PDE3A: variants seen among roughly 807,000 people sequenced by gnomAD.
PDE3A encodes the protein phosphodiesterase 3A, also known as cGMP-inhibited 3',5'-cyclic phosphodiesterase 3A.
A neutral mutation model predicts 98.3 loss-of-function variants in PDE3A; 43 were observed. That is an observed-to-expected ratio of 0.44 (90% CI 0.34 to 0.56). The LOEUF is 0.56. Among genes scored for constraint, PDE3A ranks in the 20% least tolerant of loss-of-function variants. The probability of loss-of-function intolerance (pLI) is 0.01; values close to 1 mark genes in which losing one functional copy is unlikely to be tolerated. For synonymous variants in PDE3A, 663 were observed against 567.9 expected (o/e 1.17, Z -2.38); for missense variants, 1,427 against 1,440.7 (o/e 0.99, Z 0.15).
intron 1 of PDE3A, among the ~76,000 whole-genome samples, chr12:20,520,028 G>A (rs967805451): frequency 9.9e-5 from 15 of 152,100 alleles, no homozygotes; most frequent in Admixed American, 4.6e-4. Context: ...AGGTGACATC[G>A]CTATTCAGTG....
intron 1 of PDE3A, among the ~76,000 whole-genome samples, chr12:20,401,210 C>T (rs1252333471): frequency 6.6e-6 from 1 of 152,210 alleles, no homozygotes; most frequent in Non-Finnish European, 1.5e-5. Context: ...AACTTCTCAA[C>T]TGGTCTCCCT....
At chr12:20,454,442 C>T (rs182438188) in intron 1 of PDE3A, among the ~76,000 whole-genome samples, 28 of 152,278 alleles carry the variant, frequency 1.8e-4, no homozygotes, top group Admixed American at 5.2e-4. Context: ...AGAACGTAAG[C>T]TCAGTAAGAG....
At chr12:20,605,223 A>G (rs1943683161) in intron 2 of PDE3A, among the ~76,000 whole-genome samples, 1 of 152,212 alleles carries the variant, frequency 6.6e-6, no homozygotes, top group Admixed American at 6.5e-5. Context: ...GGAAACTGAC[A>G]CTAGGCAAAT....
chr12:20,377,740 T>A (rs1943597724), intron 1 of PDE3A, among the ~76,000 whole-genome samples: 1 of 151,778 alleles, frequency 6.6e-6, no homozygotes, highest in South Asian at 2.1e-4. Flanking sequence ...AAAATATGAT[T>A]ATTTTCATCG....
chr12:20,583,747 C>T (rs1448212031), intron 2 of PDE3A, among the ~76,000 whole-genome samples: 1 of 152,116 alleles, frequency 6.6e-6, no homozygotes, highest in African/African-American at 2.4e-5. Flanking sequence ...ATTTAATTTA[C>T]TGTTACTAAT....
intron 1 of PDE3A, among the ~76,000 whole-genome samples, chr12:20,387,316 C>T (rs972024335): frequency 1.3e-4 from 19 of 151,864 alleles, no homozygotes; most frequent in Non-Finnish European, 5.9e-5. Context: ...TGAAGAATGT[C>T]AATGGTAGTT....
chr12:20,680,023 A>T lies in PDE3A; in HGVS notation c.3185-7A>T, dbSNP rs1357848923. On this transcript the variant is annotated splice_region_variant and splice_polypyrimidine_tract_variant and intron_variant, in intron 15 of 15. Transcript: ENST00000359062. ...TGATTTGGTGTTTTTTATTTTATTT[A>T]TTTTAGAAAAGAAGACTTTCAAAAG... 1 of 1,583,438 alleles carries T rather than the reference A, an allele frequency of 6.3e-7. No homozygotes were observed. The highest frequency in any genetic ancestry group is 8.6e-7 in the Non-Finnish European group (1 of 1,159,480).
chr12:20,612,504 G>T (rs1219493191), intron 2 of PDE3A, among the ~76,000 whole-genome samples: 1 of 147,124 alleles, frequency 6.8e-6, no homozygotes, highest in Non-Finnish European at 1.5e-5. Context: ...ATTTTTAAAG[G>T]TTATAATTTC....
At chr12:20,390,137 G>A (rs974204281) in intron 1 of PDE3A, among the ~76,000 whole-genome samples, 1 of 151,902 alleles carries the variant, frequency 6.6e-6, no homozygotes, top group Non-Finnish European at 1.5e-5. Context: ...CTGCTTTTGT[G>A]CTGAGGAGTA....
At position 20,613,505 on chromosome 12, in the gene PDE3A, C is replaced by A. The variant is rs1457139545; in HGVS notation, c.1074C>A (p.Thr358=). The stretch of plus-strand genomic sequence containing the variant: ...TGGGCGAGGCCCACGGCCTCATTAC[C>A]GACCTCCTGGCAGACCCTTCTCTTC... The part of the protein sequence containing the change: ...AVMGEAHGLI[T]DLLADPSLPP... The change falls in exon 3 of 16, where the codon ACC becomes ACA. Residue 358 remains threonine, a synonymous_variant. Transcript: ENST00000359062. 1 of 1,614,046 alleles carries A rather than the reference C, an allele frequency of 6.2e-7. No homozygotes were observed. The highest frequency in any genetic ancestry group is 1.1e-5 in the South Asian group (1 of 91,084).
chr12:20,508,372 AT>A (rs1946155823), intron 1 of PDE3A, among the ~76,000 whole-genome samples: 1 of 149,654 alleles, frequency 6.7e-6, no homozygotes, highest in Non-Finnish European at 1.5e-5. Context: ...CTCATATATA[AT>A]TTTTTTCACT....
intron 1 of PDE3A, among the ~76,000 whole-genome samples, chr12:20,450,898 G>A (rs1383971308): frequency 6.6e-6 from 1 of 152,200 alleles, no homozygotes; most frequent in African/African-American, 2.4e-5. Flanking sequence ...TTGGATACAC[G>A]AGAACTCTGC....
At chr12:20,520,549 T>G (rs1204363574) in intron 1 of PDE3A, among the ~76,000 whole-genome samples, 1 of 152,216 alleles carries the variant, frequency 6.6e-6, no homozygotes, top group Admixed American at 6.5e-5. Context: ...ATATTTCTTA[T>G]GTCTGCCAGT....
intron 10 of PDE3A, among the ~76,000 whole-genome samples, chr12:20,641,291 G>A (rs569693792): frequency 6.6e-6 from 1 of 152,188 alleles, no homozygotes; most frequent in South Asian, 2.1e-4. Context: ...GGGCCCCTGG[G>A]AACATCTGGC....
intron 1 of PDE3A, among the ~76,000 whole-genome samples, chr12:20,537,036 A>T (rs975544011): frequency 1.3e-5 from 2 of 152,016 alleles, no homozygotes; most frequent in Non-Finnish European, 2.9e-5. Context: ...ATTTCTCCAC[A>T]TCCTCAACAA....
chr12:20,635,550 C>T (rs759129608), intron 8 of PDE3A, among the ~76,000 whole-genome samples: 4 of 149,486 alleles, frequency 2.7e-5, no homozygotes, highest in Non-Finnish European at 5.9e-5. Context: ...TGCACTCCAG[C>T]CTGCGCAATA....
chr12:20,505,747 A>G (rs1242916394), intron 1 of PDE3A, among the ~76,000 whole-genome samples: 1 of 152,116 alleles, frequency 6.6e-6, no homozygotes, highest in Non-Finnish European at 1.5e-5. Context: ...TAATACCTAA[A>G]TAATTCTAAA....
chr12:20,560,066 G>A (rs189687895), intron 2 of PDE3A, among the ~76,000 whole-genome samples: 15 of 152,202 alleles, frequency 9.9e-5, no homozygotes, highest in African/African-American at 3.4e-4. Flanking sequence ...ACACAGAACA[G>A]TTTAGATGAA....
At chr12:20,481,869 G>A (rs10841548) in intron 1 of PDE3A, among the ~76,000 whole-genome samples, 44,943 of 141,440 alleles carry the variant, frequency 0.32, 8,444 homozygotes, top group East Asian at 0.68. Flanking sequence ...TGTTCACGCC[G>A]CTTTCCTGCC....
Sources: gnomAD v4.1 joint callset for allele counts (sites outside exome capture counted in the v4.1 genomes callset) on GRCh38, gnomAD v4.1.1 for gene constraint, MANE v1.5 for transcripts, NCBI Gene and HGNC (gene_info 2026-07-23, HGNC 2026-07-21) for gene names.